AATK: variants seen among roughly 807,000 people sequenced by gnomAD.
AATK encodes lemur tail kinase 1, also known as serine/threonine-protein kinase LMTK1.
Under a neutral mutation model 114.3 loss-of-function variants are expected in AATK, and 91 were observed. The ratio of observed to expected loss-of-function variants is 0.80; its 90% CI spans 0.67 to 0.95. The LOEUF (loss-of-function observed/expected upper bound fraction) is 0.95. Ranked by LOEUF, AATK falls within the 40% of genes least tolerant of loss-of-function variation. AATK has a pLI of 0.00. For missense variants in AATK, 2,176 were observed against 1,965.2 expected, an observed-to-expected ratio of 1.11 and a Z score of -2.03; for synonymous variants, 1,075 against 916.5, an observed-to-expected ratio of 1.17 and a Z score of -3.12.
intron 1 of AATK, among the ~76,000 whole-genome samples, chr17:81,143,494 C>A (rs1174771032): frequency 5.8e-5 from 3 of 51,326 alleles, no homozygotes; most frequent in South Asian, 1.1e-3. Context: ...CCCTGCCTCC[C>A]GTGTCCACGC....
At chr17:81,131,919 C>T (rs749361718) in intron 2 of AATK, 1 of 1,343,086 alleles carries the variant, frequency 7.4e-7, no homozygotes, top group Admixed American at 2.0e-5. Flanking sequence ...CGCCATCTGC[C>T]CCAGCAGCCT....
In AATK at chr17:81,120,793, T is replaced by G; in HGVS notation, c.3143A>C (p.Gln1048Pro). 7 of 1,568,514 alleles carry G rather than the reference T, an allele frequency of 4.5e-6. No individual in the cohort carries two copies. Among genetic ancestry groups the G allele is most frequent in the Non-Finnish European group, 6.0e-6 (7 of 1,157,282 alleles). The change falls in exon 11 of 14, where the codon CAA becomes CCA. Residue 1048 changes from glutamine (Q) to proline (P), a missense_variant. This residue lies in a region of AATK where 1,701 missense variants were observed against 1,394.7 expected (regional missense o/e 1.22). Coordinates refer to ENST00000326724, the MANE Select transcript of AATK (RefSeq NM_001080395.3). ...CAGCACCTCCCCGGGGCCAGAGCCTTGTGCCTCCCCGGAAACCCCAGGCCT... is the reference window on the plus strand; with the variant it reads ...CAGCACCTCCCCGGGGCCAGAGCCTGGTGCCTCCCCGGAAACCCCAGGCCT... ...CLRPGVSGEAQGSGPGEVLPP... is the reference protein window; with the variant it reads ...CLRPGVSGEAPGSGPGEVLPP...
intron 1 of AATK, among the ~76,000 whole-genome samples, chr17:81,141,180 G>A (rs2061133079): frequency 1.3e-5 from 2 of 152,204 alleles, no homozygotes; most frequent in African/African-American, 4.8e-5. Flanking sequence ...GCCGGGCGCG[G>A]TGGCTCACAC....
intron 2 of AATK, chr17:81,132,748 A>C (rs573879917): frequency 4.0e-6 from 1 of 247,648 alleles, no homozygotes; most frequent in South Asian, 3.5e-5. Context: ...CCCTTCCCTC[A>C]GCACAGCTCC....
chr17:81,123,186 GC>G lies in AATK; in HGVS notation c.1112+7del. On this transcript the variant is annotated splice_region_variant and intron_variant, in intron 10 of 13. Transcript: ENST00000326724. ...TGGCTGTCCGGGACAGGGCAGTGGG[GC>G]CCTCACCAGCGGTCCGACAGGGTCA... The G allele has an allele frequency of 1.4e-6, 2 of 1,422,092 alleles. No homozygotes were observed. The highest frequency in any genetic ancestry group is 1.5e-5 in the South Asian group (1 of 67,242). 88.1% of individuals were successfully genotyped at this position (1,422,092 alleles called of 1,614,324 possible).
Position 81,162,865 on chromosome 17 carries a change from T to C in AATK, c.55+3073A>G, listed in dbSNP as rs1303544420. ...GGGGTGGCAAATCCAGGCTGCCACG[T>C]GTTCCGAGAACTTCCACAAACTCCA... On this transcript the variant is annotated intron_variant, in intron 1 of 13. Transcript: ENST00000326724. Among the ~76,000 whole-genome samples the C allele has an allele frequency of 2.0e-5, 3 of 152,170 alleles. No homozygotes were observed. The South Asian group carries it at 6.2e-4, about 32-fold the overall frequency.
In AATK at chr17:81,121,816, C is replaced by A; in HGVS notation, c.2120G>T (p.Gly707Val). 1 of 1,587,246 alleles carries A rather than the reference C, an allele frequency of 6.3e-7. No individual in the cohort carries two copies. Among genetic ancestry groups the A allele is most frequent in the African/African-American group, 1.3e-5 (1 of 74,690 alleles). ...DPVSAGGHAE[G>V]CPSPKQTPRA... ...TGGGGTCTGCTTTGGACTGGGGCAG[C>A]CCTCAGCGTGGCCGCCCGCAGAGAC... Residue 707 changes from glycine (G) to valine (V), a missense_variant, in exon 11 of 14, where the codon GGC becomes GTC. By Grantham distance (109) the Gly-to-Val change is moderately radical. Around this residue, in one of 4 missense-constraint regions of AATK, gnomAD observed 1,701 missense variants for 1,394.7 expected, o/e 1.22. Transcript: ENST00000326724.
At chr17:81,145,824 G>A (rs1171399211) in intron 1 of AATK, among the ~76,000 whole-genome samples, 1 of 151,144 alleles carries the variant, frequency 6.6e-6, no homozygotes, top group Non-Finnish European at 1.5e-5. Context: ...CAGAAAATAT[G>A]TCGAAGAGCT....
At chr17:81,144,126 C>T (rs977120309) in intron 1 of AATK, among the ~76,000 whole-genome samples, 30 of 152,320 alleles carry the variant, frequency 2.0e-4, no homozygotes, top group African/African-American at 7.2e-4. Context: ...TGCACCCCTC[C>T]AGGAACTTGG....
At chr17:81,133,822 A>G (rs577742681) in intron 2 of AATK, among the ~76,000 whole-genome samples, 1 of 152,240 alleles carries the variant, frequency 6.6e-6, no homozygotes, top group South Asian at 2.1e-4. Context: ...CTCCCTAACC[A>G]GCAGGCTGGG....
chr17:81,131,616 AC>A (rs1047893062), intron 2 of AATK, among the ~76,000 whole-genome samples: 7 of 152,052 alleles, frequency 4.6e-5, no homozygotes, highest in African/African-American at 1.7e-4. Flanking sequence ...GAGGCAGGGA[AC>A]CAAGGGACAG....
Position 81,121,314 on chromosome 17 carries a change from C to T in AATK, c.2622G>A (p.Thr874=), listed in dbSNP as rs777103090. Residue 874 remains threonine (T), a synonymous_variant, in exon 11 of 14, where the codon ACG becomes ACA. Transcript: ENST00000326724. ...AEATSGIFTD[T]SSDGLQARRP... ...TCCTGGCCTGCAGGCCGTCGCTGGA[C>T]GTGTCGGTGAAGATGCCTGAGGTGG... 1.4e-5 allele frequency: 22 copies of T among 1,611,808 alleles called. No homozygotes were observed. The highest frequency in any genetic ancestry group is 1.1e-4 in the East Asian group (5 of 44,822).
chr17:81,134,644 C>T, intron 1 of AATK, 143 bp from the exon 2 acceptor site: 1 of 1,111,844 alleles, frequency 9.0e-7, no homozygotes, highest in Non-Finnish European at 1.3e-6. Context: ...CCAGACCCCA[C>T]ACCTCACAGT....
intron 1 of AATK, among the ~76,000 whole-genome samples, chr17:81,163,380 G>T (rs565000645): frequency 1.3e-4 from 20 of 152,298 alleles, no homozygotes; most frequent in African/African-American, 4.8e-4. Flanking sequence ...CTTCCTGCCA[G>T]CCTGGACCCG....
chr17:81,129,529 T>C (rs2060898594), intron 3 of AATK, among the ~76,000 whole-genome samples: 1 of 152,168 alleles, frequency 6.6e-6, no homozygotes, highest in Non-Finnish European at 1.5e-5. Context: ...CCTCTGGGGC[T>C]ACTTTTCTGA....
rs1225358723 is a variant in AATK, at chr17:81,120,715, G to A, written c.3221C>T (p.Ser1074Leu). 5.2e-6 allele frequency: 8 copies of A among 1,549,406 alleles called. No individual in the cohort carries two copies. Among genetic ancestry groups the A allele is most frequent in the Admixed American group, 1.9e-5 (1 of 51,390 alleles). The part of the protein sequence containing the change: ...GSSPEPSTCP[S>L]GLVPEPPEPQ... Reference sequence around the variant, plus strand: ...CTCCGGAGGCTCTGGGACCAGGCCCGAGGGGCAGGTGCTGGGCTCTGGGGA... The same window carrying A: ...CTCCGGAGGCTCTGGGACCAGGCCCAAGGGGCAGGTGCTGGGCTCTGGGGA... Residue 1074 changes from serine (S) to leucine (L), a missense_variant, in exon 11 of 14, where the codon TCG becomes TTG. Physicochemically the swap from Ser to Leu is moderately radical, Grantham distance 145. Around this residue, in one of 4 missense-constraint regions of AATK, gnomAD observed 1,701 missense variants for 1,394.7 expected, o/e 1.22. Transcript: ENST00000326724.
intron 1 of AATK, among the ~76,000 whole-genome samples, chr17:81,138,800 C>CCA (rs142374975): frequency 0.96 from 142,092 of 148,274 alleles, 68,280 homozygotes; most frequent in Non-Finnish European, 1. Context: ...CACACAATAC[C>CCA]CACTTGCGCG....
chr17:81,138,984 C>T (rs527307334), intron 1 of AATK, among the ~76,000 whole-genome samples: 6 of 151,598 alleles, frequency 4.0e-5, no homozygotes, highest in African/African-American at 1.2e-4. Context: ...CACACCCACA[C>T]GTGCGTACAC....
At position 81,121,484 on chromosome 17, in the gene AATK, CGGG is replaced by C. The variant is rs747740110; in HGVS notation, c.2449_2451del (p.Pro817del). On this transcript the variant is annotated inframe_deletion, in exon 11 of 14. Coordinates refer to ENST00000326724, the MANE Select transcript of AATK (RefSeq NM_001080395.3). ...GAGTCAGGCAGGGCATCAGGGGCGT[CGGG>C]GGCACTGGCCTCCTCCGAGGGAAGT... is the stretch of plus-strand genomic sequence containing the variant. The C allele has an allele frequency of 4.2e-5, 66 of 1,568,020 alleles. 1 individual carries two copies. In the South Asian group the frequency reaches 4.4e-4, roughly 10 times the overall value.
Sources: gnomAD v4.1 joint callset for allele counts (sites outside exome capture counted in the v4.1 genomes callset) on GRCh38, gnomAD v4.1.1 for gene constraint, gnomAD v4.1.1 regional missense constraint, MANE v1.5 for transcripts, NCBI Gene and HGNC (gene_info 2026-07-23, HGNC 2026-07-21) for gene names.